SFSWAP: variants seen among roughly 807,000 people sequenced by gnomAD.
SFSWAP encodes the protein splicing factor SWAP.
A neutral mutation model predicts 100.7 loss-of-function variants in SFSWAP; 17 were observed. The observed-to-expected ratio is 0.17, with a 90% CI of 0.12 to 0.25. SFSWAP has a LOEUF of 0.25. SFSWAP is among the 10% of genes least tolerant of loss of function. SFSWAP has a pLI of 1.00. For missense variants in SFSWAP, 1,005 were observed against 1,262.6 expected, an observed-to-expected ratio of 0.80 and a Z score of 3.09; for synonymous variants, 504 against 510.1, an observed-to-expected ratio of 0.99 and a Z score of 0.16.
chr12:131,760,500 CAG>C (rs1218946226), intron 11 of SFSWAP, among the ~76,000 whole-genome samples: 2 of 152,086 alleles, frequency 1.3e-5, no homozygotes, highest in Non-Finnish European at 2.9e-5. Context: ...AACAATGAGA[CAG>C]AGGCTGTGGG....
intron 15 of SFSWAP, among the ~76,000 whole-genome samples, chr12:131,792,119 C>A (rs1885282939): frequency 1.4e-5 from 2 of 148,060 alleles, no homozygotes; most frequent in Admixed American, 6.7e-5. Flanking sequence ...CGGATCAGTA[C>A]TGTGTGTGTG....
chr12:131,799,159 C>G, intron 17 of SFSWAP, 50 bp downstream of exon 17: 1 of 1,435,082 alleles, frequency 7.0e-7, no homozygotes, highest in Non-Finnish European at 9.8e-7. Flanking sequence ...CAAGGGGCCT[C>G]GTGGTTTCTC....
rs1877703489 is a variant in SFSWAP at position 131,714,575 on chromosome 12, CA to C, written c.389-243del. ...CAGTCTTTAATACAGTTCTTAATCC[CA>C]AAATTTTCTCAGCAGGAAGAAATTT... is the stretch of plus-strand genomic sequence containing the variant. On this transcript the variant is annotated intron_variant, in intron 2 of 17. Coordinates refer to ENST00000261674, the MANE Select transcript of SFSWAP (RefSeq NM_004592.4). The surrounding 1 kb of genome is among the most constrained non-coding windows in gnomAD (Gnocchi z 6.0). 1.9e-6 allele frequency: 1 copy of C among 515,798 alleles called. No homozygotes were observed. The highest frequency in any genetic ancestry group is 1.9e-5 in the African/African-American group (1 of 52,640). 32.0% of individuals were successfully genotyped at this position (515,798 alleles called of 1,614,324 possible).
At position 131,714,468 on chromosome 12, in the gene SFSWAP, A is replaced by G; in HGVS notation, c.388+228A>G. 1 of 505,712 alleles carries G rather than the reference A, an allele frequency of 2.0e-6. No individual in the cohort carries two copies. Among genetic ancestry groups the G allele is most frequent in the Non-Finnish European group, 3.5e-6 (1 of 287,850 alleles). 31.3% of individuals were successfully genotyped at this position (505,712 alleles called of 1,614,324 possible). A position where few individuals can be genotyped will look rare whatever the true frequency, so the allele number is the denominator to read the frequency against. On this transcript the variant is annotated intron_variant, in intron 2 of 17. Transcript: ENST00000261674. The surrounding 1 kb of genome is among the most constrained non-coding windows in gnomAD (Gnocchi z 6.0). The stretch of plus-strand genomic sequence containing the variant: ...CTTTTGAGGGCAGACTGGGATTTGA[A>G]AAAAACAAAAACCAAACTCTTTAAC...
At chr12:131,779,245 A>AGAGGGCGGCGCGGGTGAGCGTGTGTGAG (rs1884291045) in intron 14 of SFSWAP, among the ~76,000 whole-genome samples, 2 of 148,880 alleles carry the variant, frequency 1.3e-5, no homozygotes, top group African/African-American at 2.5e-5. Context: ...GCGTGTGTGA[A>AGAGGGCGGCGCGGGTGAGCGTGTGTGAG]GAGGGCGGCG....
intron 7 of SFSWAP, among the ~76,000 whole-genome samples, chr12:131,732,098 CG>C (rs1879570789): frequency 6.6e-6 from 1 of 151,544 alleles, no homozygotes; most frequent in South Asian, 2.1e-4. Flanking sequence ...TTAGTAGAGA[CG>C]GGGTTTCACC....
intron 11 of SFSWAP, among the ~76,000 whole-genome samples, chr12:131,760,991 G>A (rs1041938542): frequency 1.6e-4 from 24 of 152,226 alleles, no homozygotes; most frequent in Admixed American, 5.9e-4. Context: ...AGAATCGCTT[G>A]AAACTGGAAG....
intron 14 of SFSWAP, chr12:131,785,061 T>A: frequency 6.5e-7 from 1 of 1,531,470 alleles, no homozygotes; most frequent in Non-Finnish European, 8.7e-7. Flanking sequence ...AGTGTGTGCC[T>A]CCGTGTCACA....
chr12:131,774,254 A>G (rs539703553), intron 13 of SFSWAP, among the ~76,000 whole-genome samples: 63 of 152,288 alleles, frequency 4.1e-4, no homozygotes, highest in African/African-American at 1.4e-3. Flanking sequence ...TTTCATAGTT[A>G]ATGTAGTGTC....
At chr12:131,744,238 A>G (rs574686144) in intron 7 of SFSWAP, among the ~76,000 whole-genome samples, 2 of 152,192 alleles carry the variant, frequency 1.3e-5, no homozygotes, top group East Asian at 3.8e-4. Context: ...AGAAAATGAG[A>G]TATTCTTTTC....
intron 13 of SFSWAP, among the ~76,000 whole-genome samples, chr12:131,767,678 A>G (rs968697712): frequency 5.3e-5 from 8 of 152,280 alleles, no homozygotes; most frequent in African/African-American, 1.7e-4. Flanking sequence ...AAATCATTTT[A>G]TAAAATCTTT....
intron 7 of SFSWAP, among the ~76,000 whole-genome samples, chr12:131,746,207 G>A (rs1881087449): frequency 1.3e-5 from 2 of 152,232 alleles, no homozygotes; most frequent in African/African-American, 4.8e-5. Context: ...TCTCTGAGAA[G>A]TCAGTGTGCA....
In SFSWAP at chr12:131,771,650, C is replaced by CTTTTTTTTTTTTTTTT. The variant is rs398021691; in HGVS notation, c.2142+5349_2142+5364dup. 3.5e-5 allele frequency among the ~76,000 whole-genome samples: 3 copies of CTTTTTTTTTTTTTTTT among 86,110 alleles called. 1 individual carries two copies. Among genetic ancestry groups the CTTTTTTTTTTTTTTTT allele is most frequent in the African/African-American group, 1.2e-4 (3 of 24,370 alleles). The allele number at this position is 86,110 out of a possible 152,430, so 56.5% of individuals were successfully genotyped here. On this transcript the variant is annotated intron_variant, in intron 13 of 17. Transcript: ENST00000261674. ...ACACTGAGTCATTTTGCTAATGTCT[C>CTTTTTTTTTTTTTTTT]TTTTTTTTTTTTTTTTTTTTTTGAG... is the stretch of plus-strand genomic sequence containing the variant.
intron 13 of SFSWAP, among the ~76,000 whole-genome samples, chr12:131,775,608 G>A (rs752330877): frequency 6.6e-6 from 1 of 152,162 alleles, no homozygotes; most frequent in Non-Finnish European, 1.5e-5. Flanking sequence ...GTATGGGAGA[G>A]GCCATAGCTA....
rs372692358 is a variant in SFSWAP, at chr12:131,753,381, C to A, written c.1322+18C>A. ...ACCACAAGGTAGGTGCAGCGTCCAC[C>A]GCTGCCTGCTGTGTGAGTCACTCAG... On this transcript the variant is annotated intron_variant, in intron 8 of 17. Transcript: ENST00000261674. 2 of 1,602,004 alleles carry A rather than the reference C, an allele frequency of 1.2e-6. No homozygotes were observed. The highest frequency in any genetic ancestry group is 1.3e-5 in the African/African-American group (1 of 74,866).
intron 7 of SFSWAP, among the ~76,000 whole-genome samples, chr12:131,737,605 G>C (rs1880157747): frequency 6.6e-6 from 1 of 152,038 alleles, no homozygotes; most frequent in Non-Finnish European, 1.5e-5. Context: ...GTAGAGACTT[G>C]CATACCCAGT....
intron 13 of SFSWAP, among the ~76,000 whole-genome samples, chr12:131,766,793 C>T (rs1883156173): frequency 6.6e-6 from 1 of 152,268 alleles, no homozygotes; most frequent in African/African-American, 2.4e-5. Context: ...GTACATGGCT[C>T]CTTCCTCAGT....
chr12:131,738,196 A>G (rs1880223748), intron 7 of SFSWAP, among the ~76,000 whole-genome samples: 2 of 152,172 alleles, frequency 1.3e-5, no homozygotes, highest in Non-Finnish European at 2.9e-5. Flanking sequence ...TGTTTATGGT[A>G]TATTTTTCCT....
intron 4 of SFSWAP, among the ~76,000 whole-genome samples, chr12:131,721,150 G>A (rs1273665249): frequency 6.6e-6 from 1 of 152,166 alleles, no homozygotes; most frequent in Admixed American, 6.5e-5. Flanking sequence ...CACGGGAGCA[G>A]CACCGAGGAG....
Sources: gnomAD v4.1 joint callset for allele counts (sites outside exome capture counted in the v4.1 genomes callset) on GRCh38, gnomAD v4.1.1 for gene constraint, Gnocchi (gnomAD v3.1) non-coding constraint, MANE v1.5 for transcripts, NCBI Gene and HGNC (gene_info 2026-07-23, HGNC 2026-07-21) for gene names.